The following ROBO1 variants were observed in gnomAD, a reference collection of about 807,000 sequenced individuals.
The protein encoded by ROBO1 is roundabout guidance receptor 1, also known as roundabout homolog 1.
ROBO1 carries 149 observed loss-of-function variants against 195.9 expected under a neutral mutation model. The ratio of observed to expected loss-of-function variants is 0.76; its 90% CI spans 0.67 to 0.87. The LOEUF (loss-of-function observed/expected upper bound fraction) is 0.87. Ranked by LOEUF, ROBO1 falls within the 40% of genes least tolerant of loss-of-function variation. The pLI is 0.00. For synonymous variants in ROBO1, 816 were observed against 733.2 expected, an observed-to-expected ratio of 1.11 and a Z score of -1.82; for missense variants, 1,933 against 2,068.3, an observed-to-expected ratio of 0.93 and a Z score of 1.27.
intron 4 of ROBO1, among the ~76,000 whole-genome samples, chr3:78,789,021 G>A (rs1003744502): frequency 6.6e-6 from 1 of 152,032 alleles, no homozygotes; most frequent in African/African-American, 2.4e-5. Flanking sequence ...CACATAGGCT[G>A]GGCCAAACAC....
chr3:79,476,700 G>A (rs1938562229), intron 2 of ROBO1, among the ~76,000 whole-genome samples: 1 of 151,988 alleles, frequency 6.6e-6, no homozygotes, highest in Non-Finnish European at 1.5e-5. Flanking sequence ...CTCATAAGTG[G>A]AAGCTAAGTT....
At chr3:79,756,681 C>T (rs1045746817) in intron 1 of ROBO1, among the ~76,000 whole-genome samples, 2 of 151,618 alleles carry the variant, frequency 1.3e-5, no homozygotes. Context: ...TGCCTTTAAC[C>T]ATTTTAAGTG....
intron 3 of ROBO1, among the ~76,000 whole-genome samples, chr3:79,055,984 A>T (rs1381555083): frequency 6.6e-6 from 1 of 152,104 alleles, no homozygotes; most frequent in East Asian, 1.9e-4. Flanking sequence ...CTAGTAAAAA[A>T]GAAATCAGGC....
intron 4 of ROBO1, among the ~76,000 whole-genome samples, chr3:78,934,852 C>T (rs2039715727): frequency 6.6e-6 from 1 of 151,940 alleles, no homozygotes; most frequent in Non-Finnish European, 1.5e-5. Flanking sequence ...TCTATTTCCA[C>T]TCCACTTCAT....
intron 2 of ROBO1, among the ~76,000 whole-genome samples, chr3:79,476,690 C>T (rs1938561562): frequency 6.6e-6 from 1 of 151,914 alleles, no homozygotes; most frequent in Admixed American, 6.6e-5. Context: ...TTTGTTCTCA[C>T]TCATAAGTGG....
intron 3 of ROBO1, among the ~76,000 whole-genome samples, chr3:78,975,595 A>T (rs578076933): frequency 6.6e-6 from 1 of 152,282 alleles, no homozygotes; most frequent in South Asian, 2.1e-4. Flanking sequence ...AGGAAATGAA[A>T]GATAAGGTAG....
At chr3:78,986,704 AAGGCAGCT>A (rs1309833933) in intron 3 of ROBO1, among the ~76,000 whole-genome samples, 2 of 152,206 alleles carry the variant, frequency 1.3e-5, no homozygotes, top group East Asian at 3.9e-4. Flanking sequence ...ACATGTATAG[AAGGCAGCT>A]ACTTGTTCAG....
intron 2 of ROBO1, among the ~76,000 whole-genome samples, chr3:79,192,216 T>C (rs2081553322): frequency 6.6e-6 from 1 of 151,664 alleles, no homozygotes; most frequent in Non-Finnish European, 1.5e-5. Flanking sequence ...GTATTTCTCA[T>C]TCTGGTCAAC....
rs181799707 is a variant in ROBO1, at chr3:79,071,161, C to G, written c.172+54295G>C. Among the ~76,000 whole-genome samples, 105 of 151,820 alleles carry G rather than the reference C, an allele frequency of 6.9e-4. 3 individuals carry two copies. The South Asian group carries it at 0.021, about 30-fold the overall frequency. ...TCATGCTGTATAATAGATCTCCTGA[C>G]CTTATTACTTTCAATTTACCCTTTC... On this transcript the variant is annotated intron_variant, in intron 3 of 30. Transcript: ENST00000464233.
chr3:79,066,158 T>C (rs2078999623), intron 3 of ROBO1, among the ~76,000 whole-genome samples: 1 of 151,860 alleles, frequency 6.6e-6, no homozygotes, highest in South Asian at 2.1e-4. Flanking sequence ...TAAAAGACGT[T>C]AAGTTTTTAA....
chr3:79,369,488 C>T (rs1007100650), intron 2 of ROBO1, among the ~76,000 whole-genome samples: 2 of 152,170 alleles, frequency 1.3e-5, no homozygotes, highest in Admixed American at 1.3e-4. Flanking sequence ...CTTAAATAAT[C>T]ATCCTTCATA....
At chr3:79,392,715 G>T (rs2036998776) in intron 2 of ROBO1, among the ~76,000 whole-genome samples, 1 of 151,942 alleles carries the variant, frequency 6.6e-6, no homozygotes, top group Non-Finnish European at 1.5e-5. Context: ...TCTCCTCTGG[G>T]GCAATAAAAG....
At chr3:79,555,644 C>G (rs1942672044) in intron 2 of ROBO1, among the ~76,000 whole-genome samples, 1 of 152,060 alleles carries the variant, frequency 6.6e-6, no homozygotes, top group African/African-American at 2.4e-5. Flanking sequence ...ACTGAGATTT[C>G]TGCTTTGTTA....
rs74624098 is a variant in ROBO1 at position 79,666,293 on chromosome 3, A to G, written c.-50-76332T>C. ...GTGAACTTAGAGCAATGACAGCTAA[A>G]CATTTACCTAACTTGTATTCCACTG... On this transcript the variant is annotated intron_variant, in intron 1 of 30. Coordinates refer to ENST00000464233, the MANE Select transcript of ROBO1 (RefSeq NM_002941.4). Among the ~76,000 whole-genome samples the G allele has an allele frequency of 6.4e-3, 969 of 152,078 alleles. 12 individuals carry two copies. Among genetic ancestry groups the G allele is most frequent in the Middle Eastern group, 0.034 (10 of 294 alleles).
intron 4 of ROBO1, among the ~76,000 whole-genome samples, chr3:78,861,890 C>T (rs929457328): frequency 1.3e-5 from 2 of 152,144 alleles, no homozygotes; most frequent in African/African-American, 2.4e-5. Context: ...GAAAAGGGAA[C>T]AGGGAAAGGC....
chr3:78,691,157 A>G (rs2081165140), intron 8 of ROBO1, among the ~76,000 whole-genome samples: 1 of 152,122 alleles, frequency 6.6e-6, no homozygotes. Flanking sequence ...AAAATACGTA[A>G]TGGCCTAAAT....
chr3:78,760,032 T>C (rs1456344669), intron 4 of ROBO1, among the ~76,000 whole-genome samples: 2 of 152,158 alleles, frequency 1.3e-5, no homozygotes, highest in African/African-American at 4.8e-5. Flanking sequence ...AATTGAATTA[T>C]GGGAGTGGTT....
intron 2 of ROBO1, among the ~76,000 whole-genome samples, chr3:79,310,357 T>C (rs1384455421): frequency 6.6e-6 from 1 of 152,192 alleles, no homozygotes; most frequent in Middle Eastern, 3.4e-3. Flanking sequence ...CTCCTGGGAC[T>C]GGGGGCCTTT....
chr3:79,503,395 C>T (rs897787558), intron 2 of ROBO1, among the ~76,000 whole-genome samples: 1 of 152,120 alleles, frequency 6.6e-6, no homozygotes, highest in Admixed American at 6.5e-5. Flanking sequence ...AGAACTGTAC[C>T]ACTCACCGCT....
Sources: allele counts gnomAD v4.1 joint callset (sites outside exome capture counted in the v4.1 genomes callset), GRCh38; gene constraint gnomAD v4.1.1; transcripts MANE v1.5; gene names NCBI Gene and HGNC (gene_info 2026-07-23, HGNC 2026-07-21).